The following TNRC6B variants were observed in gnomAD, a reference collection of about 807,000 sequenced individuals.
TNRC6B encodes trinucleotide repeat containing adaptor 6B.
Under a neutral mutation model 203.6 loss-of-function variants are expected in TNRC6B, and 52 were observed. The observed-to-expected ratio is 0.26, with a 90% CI of 0.20 to 0.32. TNRC6B has a LOEUF of 0.32. Among genes scored for constraint, TNRC6B ranks in the 10% least tolerant of loss-of-function variants. TNRC6B has a pLI of 1.00. For missense variants in TNRC6B, 1,923 were observed against 2,286.2 expected, an observed-to-expected ratio of 0.84 and a Z score of 3.24; for synonymous variants, 838 against 845.7, an observed-to-expected ratio of 0.99 and a Z score of 0.16.
At chr22:40,197,344 G>A (rs557004409) in intron 1 of TNRC6B, among the ~76,000 whole-genome samples, 2 of 152,112 alleles carry the variant, frequency 1.3e-5, no homozygotes, top group South Asian at 4.2e-4. Flanking sequence ...GCAGCACATG[G>A]CTTGATCTCA....
chr22:40,188,036 A>C (rs529555270), intron 1 of TNRC6B, among the ~76,000 whole-genome samples: 2 of 152,210 alleles, frequency 1.3e-5, no homozygotes, highest in Admixed American at 1.3e-4. Flanking sequence ...CCTGGCCAAC[A>C]TGGTGAAACC....
chr22:40,149,679 CAAA>C (rs58482182), intron 3 of TNRC6B, among the ~76,000 whole-genome samples: 6,962 of 85,060 alleles, frequency 0.082, 472 homozygotes, highest in African/African-American at 0.28. Context: ...CCTCCCCCGC[CAAA>C]AAAAAAAAAA....
At chr22:40,226,209 G>A (rs1319665261) in intron 1 of TNRC6B, among the ~76,000 whole-genome samples, 1 of 152,152 alleles carries the variant, frequency 6.6e-6, no homozygotes, top group African/African-American at 2.4e-5. Flanking sequence ...ACAAGAACAC[G>A]ACTTTCCATT....
chr22:40,177,868 C>T, upstream of TNRC6B: 1 of 1,311,666 alleles, frequency 7.6e-7, no homozygotes, highest in Non-Finnish European at 9.7e-7. Flanking sequence ...ATTGACAAAC[C>T]TACCCGAAGT....
intron 1 of TNRC6B, among the ~76,000 whole-genome samples, chr22:40,227,903 C>G (rs2069813785): frequency 6.6e-6 from 1 of 152,152 alleles, no homozygotes; most frequent in Admixed American, 6.5e-5. Flanking sequence ...TGCCTCAGAG[C>G]TGTGGATTCT....
At chr22:40,197,757 C>G (rs1004760205) in intron 1 of TNRC6B, among the ~76,000 whole-genome samples, 4 of 151,708 alleles carry the variant, frequency 2.6e-5, no homozygotes, top group Admixed American at 2.6e-4. Context: ...CAGGCATGAG[C>G]CACCGTGCCT....
chr22:40,176,297 T>G (rs571569895), upstream of TNRC6B, among the ~76,000 whole-genome samples: 2 of 152,026 alleles, frequency 1.3e-5, no homozygotes, highest in Admixed American at 6.6e-5. Context: ...CTGGCTAATT[T>G]TGTATTTTTA....
chr22:40,245,399 A>G (rs998394124), intron 1 of TNRC6B, among the ~76,000 whole-genome samples: 3 of 152,138 alleles, frequency 2.0e-5, no homozygotes, highest in South Asian at 2.1e-4. Context: ...CCTGGAATAC[A>G]TTGATTTATA....
chr22:40,296,379 T>A (rs188913002), intron 12 of TNRC6B, among the ~76,000 whole-genome samples: 62 of 148,626 alleles, frequency 4.2e-4, no homozygotes, highest in African/African-American at 1.5e-3. Flanking sequence ...TCGCCCAGGC[T>A]AGAGTGCAGT....
chr22:40,174,695 G>C (rs557554685), upstream of TNRC6B, among the ~76,000 whole-genome samples: 55 of 152,186 alleles, frequency 3.6e-4, no homozygotes, highest in Non-Finnish European at 7.8e-4. Context: ...CGTGGTGGCA[G>C]GCACCTATAG....
At chr22:40,048,277 C>A (rs2067710185) in intron 1 of TNRC6B, among the ~76,000 whole-genome samples, 2 of 152,162 alleles carry the variant, frequency 1.3e-5, no homozygotes, top group Non-Finnish European at 2.9e-5. Flanking sequence ...TGGTGGCTCA[C>A]GCCTGTAATA....
chr22:40,154,860 AATATATATATATATATATATATAT>A (rs71199273), intron 3 of TNRC6B, among the ~76,000 whole-genome samples: 1 of 23,586 alleles, frequency 4.2e-5, no homozygotes, highest in Non-Finnish European at 6.2e-5. Flanking sequence ...AAAAAAAAAA[AATATATATATATATATATATATAT>A]ATATATATAT....
chr22:40,059,072 C>G (rs2067825705), intron 1 of TNRC6B, among the ~76,000 whole-genome samples: 2 of 152,148 alleles, frequency 1.3e-5, no homozygotes, highest in South Asian at 4.1e-4. Flanking sequence ...TCATTTCTTT[C>G]TTTTGAATCT....
chr22:40,081,092 C>T (rs1351192703), intron 1 of TNRC6B, among the ~76,000 whole-genome samples: 1 of 151,962 alleles, frequency 6.6e-6, no homozygotes, highest in East Asian at 1.9e-4. Context: ...AACTCCTGAC[C>T]TCAAGTGATC....
At chr22:40,181,560 G>A (rs1166210560) in intron 1 of TNRC6B, among the ~76,000 whole-genome samples, 1 of 152,204 alleles carries the variant, frequency 6.6e-6, no homozygotes, top group East Asian at 1.9e-4. Flanking sequence ...TCACAACTTG[G>A]CAGTTTATGT....
At chr22:40,245,674 G>A (rs1410485783) in intron 1 of TNRC6B, among the ~76,000 whole-genome samples, 3 of 151,898 alleles carry the variant, frequency 2.0e-5, no homozygotes, top group African/African-American at 4.8e-5. Context: ...GGATATTGTC[G>A]TATTCAAATC....
At chr22:40,286,970 A>C (rs757125373) in intron 12 of TNRC6B, among the ~76,000 whole-genome samples, 1 of 152,146 alleles carries the variant, frequency 6.6e-6, no homozygotes, top group Non-Finnish European at 1.5e-5. Context: ...TCCAACCAGC[A>C]GGTTGTAAAG....
At chr22:40,123,407 T>G (rs1219997172) in intron 2 of TNRC6B, among the ~76,000 whole-genome samples, 1 of 152,050 alleles carries the variant, frequency 6.6e-6, no homozygotes, top group Admixed American at 6.6e-5. Context: ...AGGATGAAAG[T>G]AAAAAGATTA....
At chr22:40,272,207 A>T (rs1185465723) in intron 6 of TNRC6B, among the ~76,000 whole-genome samples, 1 of 152,210 alleles carries the variant, frequency 6.6e-6, no homozygotes, top group East Asian at 1.9e-4. Flanking sequence ...AGCAGCAGGA[A>T]GAGGAGCATC....
Sources: allele counts gnomAD v4.1 joint callset (sites outside exome capture counted in the v4.1 genomes callset), GRCh38; gene constraint gnomAD v4.1.1; transcripts MANE v1.5; gene names NCBI Gene and HGNC (gene_info 2026-07-23, HGNC 2026-07-21).